The following PTPRG variants were observed in gnomAD, a reference collection of about 807,000 sequenced individuals.
The protein encoded by PTPRG is protein tyrosine phosphatase receptor type G, also known as receptor-type tyrosine-protein phosphatase gamma.
PTPRG carries 102 observed loss-of-function variants against 165.3 expected under a neutral mutation model. The observed-to-expected ratio is 0.62, with a 90% CI of 0.53 to 0.73. The LOEUF is 0.73. Ranked by LOEUF, PTPRG falls within the 30% of genes least tolerant of loss-of-function variation. The pLI, the probability that PTPRG is intolerant of heterozygous loss-of-function variation, is 0.00. For synonymous variants in PTPRG, 675 were observed against 669.5 expected (o/e 1.01, Z -0.13); for missense variants, 1,866 against 1,861.4 (o/e 1.00, Z -0.05).
chr3:62,292,674 G>A, intron 29 of PTPRG, 118 bp downstream of exon 29: 1 of 1,222,612 alleles, frequency 8.2e-7, no homozygotes, highest in South Asian at 1.5e-5. Context: ...ATTTGGCCAT[G>A]TCTGGAGACT....
intron 5 of PTPRG, among the ~76,000 whole-genome samples, chr3:62,126,357 T>A (rs1368238700): frequency 6.6e-6 from 1 of 152,224 alleles, no homozygotes; most frequent in Non-Finnish European, 1.5e-5. Flanking sequence ...ATGAATAACC[T>A]GTGAATTAAC....
chr3:62,013,093 T>C (rs964287238), intron 4 of PTPRG, among the ~76,000 whole-genome samples: 2 of 151,752 alleles, frequency 1.3e-5, no homozygotes, highest in African/African-American at 4.8e-5. Context: ...TATTATACAA[T>C]AATACAACTT....
chr3:61,562,454 G>A (rs1699782544), intron 1 of PTPRG, 82 bp downstream of exon 1: 1 of 1,391,074 alleles, frequency 7.2e-7, no homozygotes, highest in African/African-American at 1.4e-5. Context: ...GCGGAGCTCC[G>A]GCGCCCGTCC....
At chr3:62,039,715 C>T (rs773336515) in intron 4 of PTPRG, among the ~76,000 whole-genome samples, 6 of 152,104 alleles carry the variant, frequency 3.9e-5, no homozygotes, top group Non-Finnish European at 7.3e-5. Context: ...GGGTGATTAG[C>T]GATGTAGCGA....
chr3:61,991,570 A>G (rs2040890974), intron 3 of PTPRG, among the ~76,000 whole-genome samples: 1 of 152,212 alleles, frequency 6.6e-6, no homozygotes, highest in South Asian at 2.1e-4. Flanking sequence ...TATTGTTACA[A>G]TTCAGAATTT....
chr3:62,036,124 A>T (rs1699929085), intron 4 of PTPRG, among the ~76,000 whole-genome samples: 1 of 152,122 alleles, frequency 6.6e-6, no homozygotes, highest in South Asian at 2.1e-4. Context: ...ATCATAAATA[A>T]TTGCATATGT....
In PTPRG at chr3:61,686,041, C is replaced by T. The variant is rs72876300; in HGVS notation, c.86-62837C>T. On this transcript the variant is annotated intron_variant, in intron 1 of 29. Coordinates refer to ENST00000474889, the MANE Select transcript of PTPRG (RefSeq NM_002841.4). The stretch of plus-strand genomic sequence containing the variant: ...CAAAGCATCTGCCAGGACCCTGCAC[C>T]GTGAGGAGCACTTGGTGCTCGTTAC... Among the ~76,000 whole-genome samples the T allele has an allele frequency of 2.2e-3, 334 of 152,284 alleles. 2 individuals carry two copies. The highest frequency in any genetic ancestry group is 7.8e-3 in the African/African-American group (324 of 41,568).
intron 2 of PTPRG, among the ~76,000 whole-genome samples, chr3:61,969,910 A>G (rs2040347118): frequency 6.6e-6 from 1 of 152,326 alleles, no homozygotes; most frequent in African/African-American, 2.4e-5. Flanking sequence ...ATTAATTTAT[A>G]TGGAAGTACA....
intron 2 of PTPRG, among the ~76,000 whole-genome samples, chr3:61,987,693 A>G (rs767669443): frequency 6.6e-6 from 1 of 152,186 alleles, no homozygotes; most frequent in Non-Finnish European, 1.5e-5. Context: ...TACAAACTCA[A>G]TTGTGGCTAA....
At chr3:61,917,312 G>A (rs958967969) in intron 2 of PTPRG, among the ~76,000 whole-genome samples, 10 of 152,132 alleles carry the variant, frequency 6.6e-5, no homozygotes, top group African/African-American at 2.4e-4. Flanking sequence ...TTGGCTCATT[G>A]CAGACAATCC....
chr3:61,714,643 G>A lies in PTPRG; in HGVS notation c.86-34235G>A, dbSNP rs1046925850. ...AGTTGTGTTCTTAGAGAAAGGTGGG[G>A]CCTTTTACTTTCCACAAAAGGATCA... is the stretch of plus-strand genomic sequence containing the variant. On this transcript the variant is annotated intron_variant, in intron 1 of 29. Coordinates refer to ENST00000474889, the MANE Select transcript of PTPRG (RefSeq NM_002841.4). 4.6e-5 allele frequency among the ~76,000 whole-genome samples: 7 copies of A among 152,162 alleles called. No homozygotes were observed. The East Asian group carries it at 7.7e-4, about 17-fold the overall frequency.
intron 5 of PTPRG, among the ~76,000 whole-genome samples, chr3:62,122,937 A>G (rs565499178): frequency 2.2e-4 from 34 of 152,334 alleles, no homozygotes; most frequent in East Asian, 1.2e-3. Flanking sequence ...TGTGGGAGCT[A>G]GAACTAGATC....
Position 62,233,867 on chromosome 3 carries a change from G to A in PTPRG, c.2375+2556G>A, listed in dbSNP as rs143410726. On this transcript the variant is annotated intron_variant, in intron 14 of 29. Coordinates refer to ENST00000474889, the MANE Select transcript of PTPRG (RefSeq NM_002841.4). This position sits in a 1 kb window ranked among gnomAD's most constrained non-coding sequence, Gnocchi z 4.7. ...AAGTATTTAATTTTTTAATAAAGCT[G>A]ATTTAAGTTTTGAGTAAGTAATACT... Among the ~76,000 whole-genome samples the A allele has an allele frequency of 8.1e-3, 1,234 of 152,252 alleles. 15 individuals are homozygous for A. The highest frequency in any genetic ancestry group is 0.027 in the African/African-American group (1,141 of 41,542).
At chr3:61,712,559 G>T (rs886619379) in intron 1 of PTPRG, among the ~76,000 whole-genome samples, 2 of 152,134 alleles carry the variant, frequency 1.3e-5, no homozygotes, top group Non-Finnish European at 2.9e-5. Flanking sequence ...AGATCTGATG[G>T]TTTAACAGTG....
At chr3:61,915,138 A>G (rs1028670690) in intron 2 of PTPRG, among the ~76,000 whole-genome samples, 7 of 152,188 alleles carry the variant, frequency 4.6e-5, no homozygotes, top group African/African-American at 1.7e-4. Flanking sequence ...CTGAGGCAGG[A>G]GAATCGCTTG....
At chr3:61,618,908 A>G (rs1373627852) in intron 1 of PTPRG, among the ~76,000 whole-genome samples, 1 of 150,444 alleles carries the variant, frequency 6.6e-6, no homozygotes, top group Non-Finnish European at 1.5e-5. Flanking sequence ...TTGGGAGCCC[A>G]AGGCAGGAGG....
intron 4 of PTPRG, among the ~76,000 whole-genome samples, chr3:62,074,352 C>CTTTTTTTTTTTTTTTT (rs200189646): frequency 3.7e-5 from 4 of 109,112 alleles, no homozygotes; most frequent in South Asian, 2.9e-4. Context: ...TCTTTTCTTT[C>CTTTTTTTTTTTTTTTT]TTTTTTTTTT....
intron 28 of PTPRG, among the ~76,000 whole-genome samples, chr3:62,288,140 TAAAA>T (rs374405748): frequency 8.8e-6 from 1 of 113,660 alleles, no homozygotes; most frequent in Non-Finnish European, 1.8e-5. Context: ...AAACTGTACT[TAAAA>T]AAAAAAAAAA....
chr3:62,256,893 A>T (rs1041004649), intron 16 of PTPRG, among the ~76,000 whole-genome samples: 1 of 152,158 alleles, frequency 6.6e-6, no homozygotes, highest in Admixed American at 6.5e-5. Context: ...CTTCTTAACA[A>T]ATCCTGGGCA....
Sources: allele counts gnomAD v4.1 joint callset (sites outside exome capture counted in the v4.1 genomes callset), GRCh38; gene constraint gnomAD v4.1.1; non-coding constraint Gnocchi (gnomAD v3.1); transcripts MANE v1.5; gene names NCBI Gene and HGNC (gene_info 2026-07-23, HGNC 2026-07-21).